KLHL32: variants seen among roughly 807,000 people sequenced by gnomAD.
KLHL32 encodes the protein kelch-like protein 32.
Under a neutral mutation model 64.8 loss-of-function variants are expected in KLHL32, and 35 were observed. The ratio of observed to expected loss-of-function variants is 0.54; its 90% CI spans 0.41 to 0.72. KLHL32 has a LOEUF of 0.72. Among genes scored for constraint, KLHL32 ranks in the 30% least tolerant of loss-of-function variants. The pLI, the probability that KLHL32 is intolerant of heterozygous loss-of-function variation, is 0.00. For missense variants in KLHL32, 589 were observed against 768.5 expected (o/e 0.77, Z 2.76); for synonymous variants, 259 against 281.0 (o/e 0.92, Z 0.78).
chr6:96,967,355 G>A (rs894208482), intron 2 of KLHL32, among the ~76,000 whole-genome samples: 6 of 151,844 alleles, frequency 4.0e-5, no homozygotes, highest in Non-Finnish European at 8.8e-5. Flanking sequence ...CCTCAAACAT[G>A]AGGTATGCTA....
At chr6:96,922,525 C>CAG (rs1768782461), upstream of KLHL32, among the ~76,000 whole-genome samples, 1 of 151,930 alleles carries the variant, frequency 6.6e-6, no homozygotes, top group South Asian at 2.1e-4. Context: ...AAATCTTCTT[C>CAG]AGCTCATCCC....
At chr6:97,071,374 A>G (rs549709198) in intron 5 of KLHL32, among the ~76,000 whole-genome samples, 1 of 151,642 alleles carries the variant, frequency 6.6e-6, no homozygotes, top group Non-Finnish European at 1.5e-5. Flanking sequence ...GCTCTCTCCT[A>G]TTCTCCTCCT....
intron 8 of KLHL32, among the ~76,000 whole-genome samples, chr6:97,128,433 G>A (rs1443191288): frequency 6.6e-6 from 1 of 152,218 alleles, no homozygotes; most frequent in East Asian, 1.9e-4. Context: ...GGTTAAAGAG[G>A]AAGAAGGTGT....
intron 6 of KLHL32, among the ~76,000 whole-genome samples, 164 bp downstream of exon 6, chr6:97,085,505 C>T (rs371155027): frequency 6.6e-6 from 1 of 152,124 alleles, no homozygotes. Context: ...GAACACTGGC[C>T]CTTGAGGCTC....
chr6:96,933,399 C>T (rs1336658195), intron 1 of KLHL32, among the ~76,000 whole-genome samples: 1 of 152,140 alleles, frequency 6.6e-6, no homozygotes, highest in Admixed American at 6.5e-5. Flanking sequence ...CAGTCAGCAG[C>T]TATTGGTGTA....
At chr6:96,921,286 C>G (rs992456912), upstream of KLHL32, among the ~76,000 whole-genome samples, 2 of 152,154 alleles carry the variant, frequency 1.3e-5, no homozygotes, top group East Asian at 3.9e-4. Flanking sequence ...CTGAAAACAA[C>G]AACAGCATTT....
intron 3 of KLHL32, among the ~76,000 whole-genome samples, chr6:96,983,894 A>T (rs1190130632): frequency 6.6e-6 from 1 of 151,786 alleles, no homozygotes; most frequent in Non-Finnish European, 1.5e-5. Flanking sequence ...TTCTGCTCTG[A>T]TCTTACTTAT....
chr6:96,934,885 G>T (rs1171491098), intron 1 of KLHL32, among the ~76,000 whole-genome samples: 1 of 152,178 alleles, frequency 6.6e-6, no homozygotes, highest in Non-Finnish European at 1.5e-5. Context: ...GTGAACTGCT[G>T]CAGGATAGTA....
intron 3 of KLHL32, among the ~76,000 whole-genome samples, chr6:97,017,785 A>C (rs1781429858): frequency 6.6e-6 from 1 of 152,146 alleles, no homozygotes; most frequent in East Asian, 1.9e-4. Context: ...GACTAGAAGG[A>C]CACAATGGTT....
At chr6:97,091,317 G>A (rs960668384) in intron 6 of KLHL32, among the ~76,000 whole-genome samples, 3 of 152,168 alleles carry the variant, frequency 2.0e-5, no homozygotes, top group East Asian at 1.9e-4. Flanking sequence ...GCCTGCCTCC[G>A]TGTCTGTGTC....
At chr6:96,958,241 A>AC (rs1308377944) in intron 1 of KLHL32, among the ~76,000 whole-genome samples, 2 of 151,962 alleles carry the variant, frequency 1.3e-5, no homozygotes, top group Non-Finnish European at 2.9e-5. Context: ...AGGGCAGTAG[A>AC]CCCCCCACCC....
intron 5 of KLHL32, among the ~76,000 whole-genome samples, chr6:97,065,226 C>T (rs1169259488): frequency 6.6e-6 from 1 of 152,140 alleles, no homozygotes; most frequent in Non-Finnish European, 1.5e-5. Context: ...GTATTCCTCC[C>T]TGATTTGCTG....
chr6:97,043,198 A>G lies in KLHL32; in HGVS notation c.312+1599A>G, dbSNP rs1785391845. On this transcript the variant is annotated intron_variant, in intron 4 of 10. Transcript: ENST00000369261. ...GTTACCCAATGTCAGGTATTCCTTT[A>G]TAACAACTCCAAATGGACTAAGAAA... 2.0e-5 allele frequency among the ~76,000 whole-genome samples: 3 copies of G among 152,196 alleles called. No homozygotes were observed. The South Asian group carries it at 6.2e-4, about 31-fold the overall frequency.
chr6:96,956,075 G>A (rs547148711), intron 1 of KLHL32, among the ~76,000 whole-genome samples: 10 of 152,282 alleles, frequency 6.6e-5, no homozygotes, highest in South Asian at 6.2e-4. Context: ...CGTCTCATAT[G>A]GTGGCAGACA....
intron 2 of KLHL32, among the ~76,000 whole-genome samples, chr6:96,972,783 G>A (rs1332108078): frequency 6.6e-6 from 1 of 152,194 alleles, no homozygotes; most frequent in African/African-American, 2.4e-5. Flanking sequence ...TGCTGAGGGA[G>A]CTGTTTGCAA....
intron 3 of KLHL32, among the ~76,000 whole-genome samples, chr6:97,038,069 A>G (rs1737638): frequency 0.12 from 17,777 of 152,224 alleles, 1,095 homozygotes; most frequent in African/African-American, 0.15. Context: ...TGAAATAACT[A>G]GAAGACAATA....
intron 3 of KLHL32, among the ~76,000 whole-genome samples, chr6:97,034,717 A>G (rs1191143228): frequency 1.3e-5 from 2 of 151,974 alleles, no homozygotes; most frequent in Non-Finnish European, 2.9e-5. Flanking sequence ...CAAGTCTGTT[A>G]CTTCTTTGAT....
At chr6:97,052,855 A>G (rs1466570650) in intron 4 of KLHL32, among the ~76,000 whole-genome samples, 1 of 152,238 alleles carries the variant, frequency 6.6e-6, no homozygotes, top group Non-Finnish European at 1.5e-5. Context: ...ATGTTCTATA[A>G]TATAAACTTC....
intron 4 of KLHL32, chr6:97,062,503 T>C (rs1789069786): frequency 6.6e-6 from 1 of 152,178 alleles, no homozygotes; most frequent in African/African-American, 2.4e-5. Flanking sequence ...ATAAGATGAG[T>C]GTTGGTATTT....
Sources: gnomAD v4.1 joint callset for allele counts (sites outside exome capture counted in the v4.1 genomes callset) on GRCh38, gnomAD v4.1.1 for gene constraint, MANE v1.5 for transcripts, NCBI Gene and HGNC (gene_info 2026-07-23, HGNC 2026-07-21) for gene names.